Variants in RALA observed in about 807,000 individuals in gnomAD.
RALA encodes RAS like proto-oncogene A.
RALA carries 5 observed loss-of-function variants against 24.0 expected under a neutral mutation model. That is an observed-to-expected ratio of 0.21 (90% confidence interval 0.11 to 0.44). The LOEUF is 0.44. RALA is among the 20% of genes least tolerant of loss of function. The probability of loss-of-function intolerance (pLI) is 0.99; values close to 1 mark genes in which losing one functional copy is unlikely to be tolerated. For missense variants in RALA, 95 were observed against 241.2 expected (o/e 0.39, Z 4.01); for synonymous variants, 77 against 83.8 (o/e 0.92, Z 0.44).
intron 1 of RALA, among the ~76,000 whole-genome samples, chr7:39,642,493 ATC>A (rs1293534392): frequency 1.3e-5 from 2 of 152,144 alleles, no homozygotes; most frequent in African/African-American, 4.8e-5. Flanking sequence ...TTGGTTTGCT[ATC>A]TCTCAGTTGT....
intron 4 of RALA, among the ~76,000 whole-genome samples, chr7:39,705,739 ATAT>A (rs1005424853): frequency 6.6e-6 from 1 of 151,626 alleles, no homozygotes; most frequent in East Asian, 1.9e-4. Flanking sequence ...ATTTAAGCAT[ATAT>A]TATTAAATAT....
At chr7:39,651,158 A>G (rs934658806) in intron 1 of RALA, among the ~76,000 whole-genome samples, 1 of 152,214 alleles carries the variant, frequency 6.6e-6, no homozygotes, top group Non-Finnish European at 1.5e-5. Context: ...CAAACACTTT[A>G]TTATAAAATA....
At chr7:39,658,994 T>C (rs2115989436) in intron 1 of RALA, among the ~76,000 whole-genome samples, 1 of 152,244 alleles carries the variant, frequency 6.6e-6, no homozygotes. Context: ...AATTTTAAGA[T>C]ATGGACCGGG....
intron 4 of RALA, among the ~76,000 whole-genome samples, chr7:39,701,994 A>G (rs1487797043): frequency 1.3e-5 from 2 of 152,210 alleles, no homozygotes; most frequent in Non-Finnish European, 2.9e-5. Context: ...GGCAGAATAG[A>G]GAGAAGTTGA....
rs746181300 is a variant in RALA at position 39,680,573 on chromosome 7, CA to C, written c.-37-6044del. On this transcript the variant is annotated intron_variant, in intron 1 of 4. Transcript: ENST00000005257. The stretch of plus-strand genomic sequence containing the variant: ...CCTGGGTGACAGAGCGAGACTGTCT[CA>C]AAAAAAAAAAAAAGATTAAAAAAGA... 2.6e-3 allele frequency among the ~76,000 whole-genome samples: 318 copies of C among 122,446 alleles called. 1 individual carries two copies. The highest frequency in any genetic ancestry group is 2.8e-3 in the Admixed American group (34 of 12,020). 80.3% of individuals were successfully genotyped at this position (122,446 alleles called of 152,430 possible).
At chr7:39,648,511 A>T (rs1427993736) in intron 1 of RALA, among the ~76,000 whole-genome samples, 1 of 152,148 alleles carries the variant, frequency 6.6e-6, no homozygotes, top group East Asian at 1.9e-4. Context: ...TGGAGATACA[A>T]CAGTAAATAC....
intron 1 of RALA, among the ~76,000 whole-genome samples, chr7:39,667,846 A>G (rs1792311890): frequency 6.6e-6 from 1 of 152,232 alleles, no homozygotes; most frequent in African/African-American, 2.4e-5. Flanking sequence ...GAAGGAGCCA[A>G]TCTGTCAACC....
chr7:39,642,095 T>G (rs920694843), intron 1 of RALA, among the ~76,000 whole-genome samples: 28 of 152,214 alleles, frequency 1.8e-4, no homozygotes, highest in Admixed American at 1.8e-3. Context: ...CTACCCATCT[T>G]AGTTCCTCAG....
chr7:39,631,944 G>T (rs1242676465), intron 1 of RALA, among the ~76,000 whole-genome samples: 1 of 152,160 alleles, frequency 6.6e-6, no homozygotes, highest in East Asian at 1.9e-4. Context: ...GAGGCCTCAG[G>T]AAGTTTTTAC....
rs1426098251 is a variant in RALA at position 39,706,337 on chromosome 7, T to C, written c.*92T>C. ...AAGGCTTAATTGACTGAAATTACTT[T>C]AACATTTTGGAAATTGTTGTATATC... is the stretch of plus-strand genomic sequence containing the variant. On this transcript the variant is annotated 3_prime_UTR_variant, in exon 5 of 5. Transcript: ENST00000005257. 34 of 1,389,480 alleles carry C rather than the reference T, an allele frequency of 2.4e-5. No homozygotes were observed. The highest frequency in any genetic ancestry group is 3.2e-5 in the Non-Finnish European group (33 of 1,022,666). The allele number at this position is 1,389,480 out of a possible 1,614,324, so 86.1% of individuals were successfully genotyped here. A position where few individuals can be genotyped will look rare whatever the true frequency, so the allele number is the denominator to read the frequency against.
chr7:39,667,605 A>C (rs1472198816), intron 1 of RALA, among the ~76,000 whole-genome samples: 1 of 152,254 alleles, frequency 6.6e-6, no homozygotes, highest in Admixed American at 6.5e-5. Flanking sequence ...AACAGAGGGC[A>C]GAAGAGATGA....
At chr7:39,667,323 C>T (rs1196824249) in intron 1 of RALA, among the ~76,000 whole-genome samples, 1 of 152,188 alleles carries the variant, frequency 6.6e-6, no homozygotes, top group Non-Finnish European at 1.5e-5. Flanking sequence ...GTGTCTACCT[C>T]CTCTTATCCC....
At chr7:39,687,411 A>G (rs1562622855) in intron 2 of RALA, among the ~76,000 whole-genome samples, 1 of 151,716 alleles carries the variant, frequency 6.6e-6, no homozygotes. Flanking sequence ...TGGGCGACAG[A>G]GCAAGACTCC....
chr7:39,649,765 A>G (rs1032012923), intron 1 of RALA, among the ~76,000 whole-genome samples: 1 of 152,258 alleles, frequency 6.6e-6, no homozygotes, highest in African/African-American at 2.4e-5. Context: ...GTAGATAGAA[A>G]AAAGAGGCCC....
intron 1 of RALA, among the ~76,000 whole-genome samples, chr7:39,666,758 C>T (rs1012886648): frequency 2.6e-5 from 4 of 152,196 alleles, no homozygotes; most frequent in African/African-American, 9.7e-5. Flanking sequence ...AGTAAGAATT[C>T]AGCAGGTGGT....
chr7:39,662,511 C>T (rs780041595), intron 1 of RALA, among the ~76,000 whole-genome samples: 6 of 152,194 alleles, frequency 3.9e-5, no homozygotes, highest in Non-Finnish European at 4.4e-5. Context: ...CCTAAATCAT[C>T]GCCCTCAAGT....
intron 1 of RALA, among the ~76,000 whole-genome samples, chr7:39,638,784 A>G (rs1247749269): frequency 1.3e-5 from 2 of 152,120 alleles, no homozygotes; most frequent in Non-Finnish European, 2.9e-5. Flanking sequence ...GGACATTTGG[A>G]GTTTTTCCAC....
At chr7:39,629,088 G>T (rs1357217106) in intron 1 of RALA, among the ~76,000 whole-genome samples, 3 of 152,300 alleles carry the variant, frequency 2.0e-5, no homozygotes, top group Non-Finnish European at 1.5e-5. Context: ...TTGTGTACAT[G>T]TATCTTTGTA....
chr7:39,683,270 C>T (rs1017222987), intron 1 of RALA, among the ~76,000 whole-genome samples: 1 of 152,128 alleles, frequency 6.6e-6, no homozygotes, highest in African/African-American at 2.4e-5. Flanking sequence ...CTTCTGCTTC[C>T]TAGAACATGC....
Sources: allele counts gnomAD v4.1 joint callset (sites outside exome capture counted in the v4.1 genomes callset), GRCh38; gene constraint gnomAD v4.1.1; transcripts MANE v1.5; gene names NCBI Gene and HGNC (gene_info 2026-07-23, HGNC 2026-07-21).